The following SREK1 variants were observed in gnomAD, a reference collection of about 807,000 sequenced individuals.
SREK1 encodes the protein splicing regulatory glutamine/lysine-rich protein 1.
Under a neutral mutation model 66.5 loss-of-function variants are expected in SREK1, and 13 were observed. The ratio of observed to expected loss-of-function variants is 0.20; its 90% CI spans 0.13 to 0.31. The LOEUF is 0.31. Among genes scored for constraint, SREK1 ranks in the 10% least tolerant of loss-of-function variants. The pLI, the probability that SREK1 is intolerant of heterozygous loss-of-function variation, is 1.00. For synonymous variants in SREK1, 265 were observed against 263.5 expected, an observed-to-expected ratio of 1.01 and a Z score of -0.05; for missense variants, 607 against 769.6, an observed-to-expected ratio of 0.79 and a Z score of 2.50.
chr5:66,165,164 C>G (rs1262759299), intron 7 of SREK1: 4 of 273,440 alleles, frequency 1.5e-5, no homozygotes, highest in Non-Finnish European at 2.7e-5. Flanking sequence ...CCAGATTTTT[C>G]TAAGAGTAAA....
At chr5:66,159,878 C>T (rs570779758) in intron 3 of SREK1, among the ~76,000 whole-genome samples, 3 of 152,248 alleles carry the variant, frequency 2.0e-5, no homozygotes, top group Non-Finnish European at 4.4e-5. Context: ...TGCCTGTAAT[C>T]CCAGCACTTT....
At chr5:66,154,665 G>C (rs1194413320) in intron 2 of SREK1, among the ~76,000 whole-genome samples, 1 of 152,136 alleles carries the variant, frequency 6.6e-6, no homozygotes, top group African/African-American at 2.4e-5. Flanking sequence ...GTCTAATACA[G>C]TGAGTACCAG....
intron 1 of SREK1, among the ~76,000 whole-genome samples, chr5:66,145,466 T>A (rs1028803225): frequency 2.0e-5 from 3 of 152,190 alleles, no homozygotes; most frequent in African/African-American, 7.2e-5. Context: ...ACCCAAGATT[T>A]ATTTCTTTAA....
chr5:66,154,401 T>C (rs1432616372), intron 2 of SREK1, among the ~76,000 whole-genome samples: 1 of 152,224 alleles, frequency 6.6e-6, no homozygotes. Context: ...CTGACTAGCA[T>C]GTGTACAGGA....
At position 66,175,056 on chromosome 5, in the gene SREK1, T is replaced by C. The variant is rs779367665; in HGVS notation, c.1580+15T>C. ...TCCCCCAGGAGGTAGGTTGGGAGCTTGTGCTAAAACTAAACAGGAGAAAGC... is the reference window on the plus strand; with the variant it reads ...TCCCCCAGGAGGTAGGTTGGGAGCTCGTGCTAAAACTAAACAGGAGAAAGC... On this transcript the variant is annotated intron_variant, in intron 10 of 11. Transcript: ENST00000334121. 2.1e-5 allele frequency: 33 copies of C among 1,600,780 alleles called. No homozygotes were observed. The highest frequency in any genetic ancestry group is 1.9e-4 in the South Asian group (17 of 88,824).
chr5:66,158,884 G>A (rs1744503957), intron 2 of SREK1: 5 of 1,294,790 alleles, frequency 3.9e-6, no homozygotes, highest in Middle Eastern at 2.1e-4. Context: ...CTGGGAAAGC[G>A]TCCATGCTTG....
At chr5:66,166,434 A>G (rs570716273) in intron 7 of SREK1, 27 of 152,268 alleles carry the variant, frequency 1.8e-4, no homozygotes, top group African/African-American at 6.3e-4. Context: ...ATGTACACAC[A>G]ATGTCTGCGT....
At chr5:66,159,408 T>G (rs1224056408) in intron 3 of SREK1, 74 bp downstream of exon 3, 1 of 1,189,208 alleles carries the variant, frequency 8.4e-7, no homozygotes, top group East Asian at 2.7e-5. Context: ...GAGCTTCAGA[T>G]TATTTGCATT....
intron 2 of SREK1, among the ~76,000 whole-genome samples, chr5:66,155,472 C>G (rs1744207925): frequency 2.0e-5 from 3 of 152,046 alleles, no homozygotes; most frequent in Admixed American, 2.0e-4. Context: ...GCACTACAAG[C>G]AAAGAAATAG....
In SREK1 at chr5:66,162,449, A is replaced by G. The variant is rs1333935701; in HGVS notation, c.612A>G (p.Lys204=). Residue 204 remains lysine (K), a synonymous_variant, in exon 5 of 12, where the codon AAA becomes AAG. Transcript: ENST00000334121. ...CTGATCAACTACTTGAATTTTTTAA[A>G]CAAGTTGGAGAAGTGAAGTTTGTGC... ...TTADQLLEFF[K]QVGEVKFVRM... 8 of 1,613,952 alleles carry G rather than the reference A, an allele frequency of 5.0e-6. No individual in the cohort carries two copies. The African/African-American group carries it at 8.0e-5, about 16-fold the overall frequency.
At chr5:66,159,848 C>T (rs537459307) in intron 3 of SREK1, among the ~76,000 whole-genome samples, 79 of 152,270 alleles carry the variant, frequency 5.2e-4, no homozygotes, top group Admixed American at 7.8e-4. Flanking sequence ...AAGGATATTA[C>T]GGCCAGGCGC....
rs544546034 is a variant in SREK1 at position 66,171,446 on chromosome 5, TC to T, written c.1484+501del. Among the ~76,000 whole-genome samples, 104 of 152,318 alleles carry T rather than the reference TC, an allele frequency of 6.8e-4. 1 individual carries two copies. Among genetic ancestry groups the T allele is most frequent in the Non-Finnish European group, 1.1e-3 (77 of 68,022 alleles). The stretch of plus-strand genomic sequence containing the variant: ...TGTCAGTTTTAAGGGTTAGAGTTTT[TC>T]CTTAGGACCGTGATTTCAGTTTATT... On this transcript the variant is annotated intron_variant, in intron 9 of 11. Coordinates refer to ENST00000334121, the MANE Select transcript of SREK1 (RefSeq NM_001077199.3).
chr5:66,145,931 A>G (rs1743155168), intron 1 of SREK1, among the ~76,000 whole-genome samples: 1 of 151,606 alleles, frequency 6.6e-6, no homozygotes, highest in South Asian at 2.1e-4. Flanking sequence ...TTTGTCTTGT[A>G]ATATGACTCA....
At position 66,153,591 on chromosome 5, in the gene SREK1, C is replaced by A; in HGVS notation, c.290C>A (p.Ala97Glu). The A allele has an allele frequency of 1.2e-6, 2 of 1,613,948 alleles. No homozygotes were observed. Among genetic ancestry groups the A allele is most frequent in the Non-Finnish European group, 1.7e-6 (2 of 1,179,904 alleles). Residue 97 changes from alanine to glutamate, a missense_variant, in exon 2 of 12, where the codon GCA (alanine) becomes GAA (glutamate). Transcript: ENST00000334121. The stretch of plus-strand genomic sequence containing the variant: ...AGAGCTCTGATAGTTGTTCCTTGTG[C>A]AGAAGGTTGGTATCTCGCTTTTTTT... ...IDRALIVVPC[A>E]EGKIPEESKA...
intron 9 of SREK1, 57 bp downstream of exon 9, chr5:66,171,004 A>C: frequency 1.9e-6 from 3 of 1,541,180 alleles, no homozygotes; most frequent in Non-Finnish European, 2.6e-6. Flanking sequence ...TTGGAAACAA[A>C]ATTTTTTACG....
chr5:66,156,185 G>C, intron 2 of SREK1: 4 of 1,311,216 alleles, frequency 3.1e-6, no homozygotes, highest in Non-Finnish European at 3.9e-6. Flanking sequence ...AGTCTGAACC[G>C]CAGAAGATGG....
chr5:66,163,975 A>G lies in SREK1; in HGVS notation c.886+53A>G. The stretch of plus-strand genomic sequence containing the variant: ...CATAGTTTAAAGATCATAGACTCTT[A>G]GAACTGGAAGGAATTTTAGAAATCA... On this transcript the variant is annotated intron_variant, in intron 6 of 11. Coordinates refer to ENST00000334121, the MANE Select transcript of SREK1 (RefSeq NM_001077199.3). The G allele has an allele frequency of 3.2e-6, 5 of 1,547,826 alleles. No homozygotes were observed. The South Asian group carries it at 4.8e-5, about 15-fold the overall frequency.
At chr5:66,170,212 A>G (rs778026344) in intron 8 of SREK1, 42 bp downstream of exon 8, 2 of 1,589,028 alleles carry the variant, frequency 1.3e-6, no homozygotes, top group South Asian at 1.2e-5. Context: ...TTTTCCTCAG[A>G]GTTCTGTTAG....
At chr5:66,152,861 C>T (rs934106121) in intron 1 of SREK1, among the ~76,000 whole-genome samples, 3 of 152,144 alleles carry the variant, frequency 2.0e-5, no homozygotes, top group African/African-American at 7.2e-5. Flanking sequence ...TATCGGCCTG[C>T]CTGGATTAAA....
Sources: allele counts gnomAD v4.1 joint callset (sites outside exome capture counted in the v4.1 genomes callset), GRCh38; gene constraint gnomAD v4.1.1; transcripts MANE v1.5; gene names NCBI Gene and HGNC (gene_info 2026-07-23, HGNC 2026-07-21).